Variants in DCST2 observed in about 807,000 individuals in gnomAD.
DCST2 encodes DC-STAMP domain-containing protein 2.
In DCST2, 64 loss-of-function variants were observed where a neutral mutation model predicts 81.8. That is an observed-to-expected ratio of 0.78 (90% CI 0.64 to 0.96). DCST2 has a LOEUF of 0.96. Among genes scored for constraint, DCST2 ranks in the 40% least tolerant of loss-of-function variants. The pLI, the probability that DCST2 is intolerant of heterozygous loss-of-function variation, is 0.00. For missense variants in DCST2, 945 were observed against 1,001.4 expected (o/e 0.94, Z 0.76); for synonymous variants, 354 against 402.6 (o/e 0.88, Z 1.44).
At chr1:155,023,722 A>T in intron 12 of DCST2, 110 bp downstream of exon 12, 1 of 1,583,652 alleles carries the variant, frequency 6.3e-7, no homozygotes, top group South Asian at 1.2e-5. Context: ...AGGGAGGGGC[A>T]CAAAAGATGA....
In DCST2 at chr1:155,029,256, A is replaced by C. The variant is rs367713471; in HGVS notation, c.1319T>G (p.Leu440Arg). 6.2e-7 allele frequency: 1 copy of C among 1,613,750 alleles called. No homozygotes were observed. Among genetic ancestry groups the C allele is most frequent in the Non-Finnish European group, 8.5e-7 (1 of 1,179,920 alleles). The change falls in exon 8 of 15, where the codon CTG becomes CGG. Residue 440 changes from leucine (L) to arginine (R), a missense_variant. Leu to Arg is a moderately radical substitution (Grantham distance 102). Transcript: ENST00000368424. ...ACTGCGGGCCACAATCTCCCCCTGC[A>C]GCTGGTGCCGGGCCAGGTCAAGCAC... ...FWVLDLARHQLQGEIVARSPV... is the reference protein window; with the variant it reads ...FWVLDLARHQRQGEIVARSPV...
chr1:155,024,411 A>C, intron 11 of DCST2, 61 bp downstream of exon 11: 1 of 1,492,754 alleles, frequency 6.7e-7, no homozygotes, highest in Non-Finnish European at 8.9e-7. Context: ...ATCCATTCCA[A>C]CTCCTGGCTC....
chr1:155,024,474 A>G lies in DCST2; in HGVS notation c.1740T>C (p.Ser580=), dbSNP rs761597557. 6 of 1,600,862 alleles carry G rather than the reference A, an allele frequency of 3.7e-6. No homozygotes were observed. Among genetic ancestry groups the G allele is most frequent in the Non-Finnish European group, 5.1e-6 (6 of 1,172,712 alleles). ...TATAGAAAAGACAGTGGCCTCACCGACTGGCCAGCACTAGGAAGGCACTTC... is the reference window on the plus strand; with the variant it reads ...TATAGAAAAGACAGTGGCCTCACCGGCTGGCCAGCACTAGGAAGGCACTTC... The part of the protein sequence containing the change: ...GHRSAFLVLA[S]RCPCLGPFVS... The change falls in exon 11 of 15, where the codon AGT becomes AGC. Residue 580 remains serine (S), a splice_region_variant and synonymous_variant. Coordinates refer to ENST00000368424, the MANE Select transcript of DCST2 (RefSeq NM_144622.3).
chr1:155,032,515 C>A (rs1660124991), intron 3 of DCST2, 152 bp downstream of exon 3: 1 of 573,414 alleles, frequency 1.7e-6, no homozygotes, highest in Non-Finnish European at 3.1e-6. Flanking sequence ...CAGGGTCTCG[C>A]CATGTTGCCA....
rs200996276 is a variant in DCST2 at position 155,033,643 on chromosome 1, G to A, written c.59C>T (p.Ala20Val). 44 of 1,614,048 alleles carry A rather than the reference G, an allele frequency of 2.7e-5. No individual in the cohort carries two copies. Among genetic ancestry groups the A allele is most frequent in the South Asian group, 9.9e-5 (9 of 91,082 alleles). Residue 20 changes from alanine to valine, a missense_variant, in exon 1 of 15, where the codon GCG (alanine) becomes GTG (valine). Transcript: ENST00000368424. ...TCCCACGCTGCGAACCACAGCTCTC[G>A]CCATGCTAGGCTCCTCTCCCCCCAA... is the stretch of plus-strand genomic sequence containing the variant. ...HPLGGEEPSM[A>V]RAVVRSVGGF...
chr1:155,024,385 C>T (rs1461300804), intron 11 of DCST2, 87 bp downstream of exon 11: 2 of 1,463,930 alleles, frequency 1.4e-6, no homozygotes, highest in African/African-American at 2.9e-5. Context: ...TCTCTTGACA[C>T]TTAGATAGCA....
In DCST2 at chr1:155,031,580, C is replaced by T; in HGVS notation, c.733G>A (p.Ala245Thr). ...MPFKLALCGL[A>T]SLVQVFCVIP... Reference sequence around the variant, plus strand: ...CAGACCCTGGTTTTCTCACGGCTGGCAAGTCCACAGAGCGCCAGTTTGAAG... The same window carrying T: ...CAGACCCTGGTTTTCTCACGGCTGGTAAGTCCACAGAGCGCCAGTTTGAAG... The change falls in exon 4 of 15, where the codon GCC becomes ACC. Residue 245 changes from alanine to threonine, a missense_variant. Ala to Thr is a moderately conservative substitution (Grantham distance 58, BLOSUM62 0). Coordinates refer to ENST00000368424, the MANE Select transcript of DCST2 (RefSeq NM_144622.3). The T allele has an allele frequency of 7.3e-7, 1 of 1,361,264 alleles. No homozygotes were observed. The highest frequency in any genetic ancestry group is 9.8e-7 in the Non-Finnish European group (1 of 1,022,696). The allele number at this position is 1,361,264 out of a possible 1,614,324, so 84.3% of individuals were successfully genotyped here.
rs754536373 is a variant in DCST2, at chr1:155,033,567, T to C, written c.135A>G (p.Leu45=). Residue 45 remains leucine, a synonymous_variant, in exon 1 of 15, where the codon CTA becomes CTG. Transcript: ENST00000368424. Reference sequence around the variant, plus strand: ...CCCAGGGGCTGTGGCCTTCCACCAGTAGCTCCAGAAGCCCGTAGGCCGTGG... The same window carrying C: ...CCCAGGGGCTGTGGCCTTCCACCAGCAGCTCCAGAAGCCCGTAGGCCGTGG... ...SLATAYGLLE[L]LVEGHSPWGC... 2.8e-5 allele frequency: 45 copies of C among 1,613,988 alleles called. No individual in the cohort carries two copies. The highest frequency in any genetic ancestry group is 3.6e-5 in the Non-Finnish European group (42 of 1,180,028).
At chr1:155,031,097 G>T (rs1421429188) in intron 5 of DCST2, 72 bp downstream of exon 5, 5 of 1,500,650 alleles carry the variant, frequency 3.3e-6, no homozygotes, top group Non-Finnish European at 4.5e-6. Flanking sequence ...CTGGGGGCTG[G>T]CCATGGCCAC....
In DCST2 at chr1:155,026,202, G is replaced by A. The variant is rs1212504590; in HGVS notation, c.1611+100C>T. On this transcript the variant is annotated intron_variant, in intron 10 of 14. Transcript: ENST00000368424. ...TTCAACCAGAGGAGAGCGGGCTGGG[G>A]CTGCTGAAGGAAGTCAGCTCCCAAA... 7 of 1,086,176 alleles carry A rather than the reference G, an allele frequency of 6.4e-6. No homozygotes were observed. In the African/African-American group the frequency reaches 9.4e-5, roughly 15 times the overall value. 67.3% of individuals were successfully genotyped at this position (1,086,176 alleles called of 1,614,324 possible).
intron 8 of DCST2, among the ~76,000 whole-genome samples, chr1:155,028,260 C>G (rs376080999): frequency 3.1e-4 from 47 of 152,196 alleles, no homozygotes; most frequent in African/African-American, 1.1e-3. Context: ...CTTACAGTGA[C>G]CCAGAGAGGT....
rs757237262 is a variant in DCST2 at position 155,033,661 on chromosome 1, C to A, written c.41G>T (p.Gly14Val). ...AGCTCTCGCCATGCTAGGCTCCTCT[C>A]CCCCCAAGGGGTGCACAACATCCTT... ...VMKDVVHPLG[G>V]EEPSMARAVV... The change falls in exon 1 of 15, where the codon GGA becomes GTA. Residue 14 changes from glycine (G) to valine (V), a missense_variant. Transcript: ENST00000368424. The A allele has an allele frequency of 6.2e-7, 1 of 1,614,122 alleles. No homozygotes were observed. Among genetic ancestry groups the A allele is most frequent in the South Asian group, 1.1e-5 (1 of 91,074 alleles).
At position 155,033,436 on chromosome 1, in the gene DCST2, G is replaced by C. The variant is rs766122420; in HGVS notation, c.266C>G (p.Ser89Cys). The C allele has an allele frequency of 1.1e-5, 18 of 1,612,586 alleles. No homozygotes were observed. The South Asian group carries it at 1.6e-4, about 15-fold the overall frequency. ...CTAGCCCTGGGTGCCAAGCTCACTGGAGAAGGCCTGAGGCAGCAGCAGGAG... is the reference window on the plus strand; with the variant it reads ...CTAGCCCTGGGTGCCAAGCTCACTGCAGAAGGCCTGAGGCAGCAGCAGGAG... ...TVLLLLPQAF[S>C]RQGRTLLLVA... The change falls in exon 1 of 15, where the codon TCC (serine) becomes TGC (cysteine). Residue 89 changes from serine (S) to cysteine (C), a missense_variant and splice_region_variant. Transcript: ENST00000368424.
In DCST2 at chr1:155,033,416, C is replaced by T. The variant is rs762747894; in HGVS notation, c.268+18G>A. The T allele has an allele frequency of 1.2e-5, 19 of 1,609,770 alleles. No individual in the cohort carries two copies. In the South Asian group the frequency reaches 2.1e-4, roughly 18 times the overall value. ...CCAGCCCCAGGACCTGCCCCCTAGC[C>T]CTGGGTGCCAAGCTCACTGGAGAAG... On this transcript the variant is annotated intron_variant, in intron 1 of 14. Coordinates refer to ENST00000368424, the MANE Select transcript of DCST2 (RefSeq NM_144622.3).
Position 155,023,398 on chromosome 1 carries a change from G to T in DCST2, c.1930C>A (p.Pro644Thr), listed in dbSNP as rs559500409. The part of the protein sequence containing the change: ...LDNTCSVCAS[P>T]LSYQGDLDLE... Reference sequence around the variant, plus strand: ...TCCAGGTCCCCCTGGTAGGAGAGGGGAGATGCACACACGGAGCAGGTATTG... The same window carrying T: ...TCCAGGTCCCCCTGGTAGGAGAGGGTAGATGCACACACGGAGCAGGTATTG... The change falls in exon 13 of 15, where the codon CCC (proline) becomes ACC (threonine). Residue 644 changes from proline to threonine, a missense_variant. By Grantham distance (38) the Pro-to-Thr change is conservative. Transcript: ENST00000368424. 3.1e-6 allele frequency: 5 copies of T among 1,608,506 alleles called. No homozygotes were observed. The South Asian group carries it at 5.5e-5, about 18-fold the overall frequency.
rs1660019921 is a variant in DCST2 at position 155,029,984 on chromosome 1, C to T, written c.1177+100G>A. The T allele has an allele frequency of 2.6e-6, 4 of 1,543,866 alleles. No homozygotes were observed. In the African/African-American group the frequency reaches 5.5e-5, roughly 21 times the overall value. On this transcript the variant is annotated intron_variant, in intron 7 of 14. Coordinates refer to ENST00000368424, the MANE Select transcript of DCST2 (RefSeq NM_144622.3). ...CCTCTGGCCCCTGCCCCAAGCCCAT[C>T]CTGAGCCCTGCCTGTGCAGGGGCTT...
At chr1:155,023,587 A>G in intron 12 of DCST2, 130 bp from the exon 13 acceptor site, 1 of 1,546,544 alleles carries the variant, frequency 6.5e-7, no homozygotes, top group Non-Finnish European at 8.7e-7. Flanking sequence ...GGTGCACACT[A>G]GGGAGCTGCT....
chr1:155,023,315 T>G (rs1262181472), intron 13 of DCST2, 49 bp downstream of exon 13: 1 of 1,612,606 alleles, frequency 6.2e-7, no homozygotes, highest in Non-Finnish European at 8.5e-7. Context: ...GGTGCCTACT[T>G]CCACTGCCCC....
chr1:155,025,475 C>T (rs9427168), intron 10 of DCST2, among the ~76,000 whole-genome samples: 2,044 of 152,040 alleles, frequency 0.013, 45 homozygotes, highest in African/African-American at 0.046. Context: ...ACTACAGGCA[C>T]GTGCCACCAC....
Sources: allele counts gnomAD v4.1 joint callset (sites outside exome capture counted in the v4.1 genomes callset), GRCh38; gene constraint gnomAD v4.1.1; transcripts MANE v1.5; gene names NCBI Gene and HGNC (gene_info 2026-07-23, HGNC 2026-07-21).